Variants in NSD2 observed in about 807,000 individuals in gnomAD.
NSD2 encodes the protein nuclear receptor binding SET domain protein 2, also known as histone-lysine N-methyltransferase NSD2.
In NSD2, 12 loss-of-function variants were observed where a neutral mutation model predicts 139.0. The observed-to-expected ratio is 0.09, with a 90% CI of 0.06 to 0.14. The LOEUF (loss-of-function observed/expected upper bound fraction) is 0.14. Ranked by LOEUF, NSD2 falls within the 10% of genes least tolerant of loss-of-function variation. NSD2 has a pLI of 1.00. For missense variants in NSD2, 1,155 were observed against 1,745.0 expected (o/e 0.66, Z 6.02); for synonymous variants, 669 against 648.7 (o/e 1.03, Z -0.48).
chr4:1,903,262 AG>A (rs952635911), intron 2 of NSD2, among the ~76,000 whole-genome samples: 5 of 152,156 alleles, frequency 3.3e-5, no homozygotes, highest in African/African-American at 9.7e-5. Flanking sequence ...TCACCCTTGG[AG>A]GGTTGGGGCC....
intron 2 of NSD2, 76 bp downstream of exon 2, chr4:1,901,327 C>A: frequency 7.7e-7 from 1 of 1,294,784 alleles, no homozygotes; most frequent in Non-Finnish European, 1.1e-6. Flanking sequence ...GGCACCTGCA[C>A]GAGTACTGGG....
chr4:1,902,399 A>AT (rs1423461733), intron 2 of NSD2, among the ~76,000 whole-genome samples: 1 of 151,854 alleles, frequency 6.6e-6, no homozygotes, highest in East Asian at 1.9e-4. Context: ...TTAATTTTTT[A>AT]TTTTTTGTAG....
chr4:1,933,380 C>T lies in NSD2; in HGVS notation c.1556-1764C>T, dbSNP rs561807336. Among the ~76,000 whole-genome samples, 4 of 152,298 alleles carry T rather than the reference C, an allele frequency of 2.6e-5. No homozygotes were observed. In the South Asian group the frequency reaches 8.3e-4, roughly 32 times the overall value. The stretch of plus-strand genomic sequence containing the variant: ...CAGCGTCCTTCAGGGCAACAGTGTC[C>T]TTCTGCAAGATGTTTTTTTTCTTTG... On this transcript the variant is annotated intron_variant, in intron 6 of 21. Coordinates refer to ENST00000508803, the MANE Select transcript of NSD2 (RefSeq NM_001042424.3).
intron 1 of NSD2, chr4:1,892,742 G>A (rs1187940349): frequency 1.3e-5 from 2 of 151,710 alleles, no homozygotes; most frequent in African/African-American, 4.8e-5. Context: ...CTAATTTTTT[G>A]TATCTTTAGT....
At position 1,951,218 on chromosome 4, in the gene NSD2, G is replaced by C. The variant is rs1017160426; in HGVS notation, c.2013+15G>C. 3.7e-6 allele frequency: 6 copies of C among 1,613,848 alleles called. No homozygotes were observed. Among genetic ancestry groups the C allele is most frequent in the African/African-American group, 1.3e-5 (1 of 74,934 alleles). On this transcript the variant is annotated intron_variant, in intron 10 of 21. Coordinates refer to ENST00000508803, the MANE Select transcript of NSD2 (RefSeq NM_001042424.3). ...ATGTGTGCCAGGTGAGGAGAAGGCA[G>C]CATCCGCTATGTCCGTGCTGGTGTC...
chr4:1,980,412 T>A lies in NSD2; in HGVS notation c.*1503T>A. 1 of 233,214 alleles carries A rather than the reference T, an allele frequency of 4.3e-6. No individual in the cohort carries two copies. The highest frequency in any genetic ancestry group is 8.5e-6 in the Non-Finnish European group (1 of 117,994). 14.4% of individuals were successfully genotyped at this position (233,214 alleles called of 1,614,324 possible). A position where few individuals can be genotyped will look rare whatever the true frequency, so the allele number is the denominator to read the frequency against. On this transcript the variant is annotated 3_prime_UTR_variant, in exon 22 of 22. Coordinates refer to ENST00000508803, the MANE Select transcript of NSD2 (RefSeq NM_001042424.3). ...ACATTCAGCAGCAGGTGCTTTTTTA[T>A]GGCCTTTTCTTAAAATAACCTAAGG... is the stretch of plus-strand genomic sequence containing the variant.
chr4:1,872,635 A>AGAGAGAGC (rs1179623184), intron 1 of NSD2, among the ~76,000 whole-genome samples: 42 of 120,172 alleles, frequency 3.5e-4, no homozygotes, highest in South Asian at 1.1e-3. Context: ...AGAGAGAGAG[A>AGAGAGAGC]GCGCGCAGAC....
intron 1 of NSD2, among the ~76,000 whole-genome samples, chr4:1,891,261 A>G (rs927132617): frequency 2.6e-5 from 4 of 152,154 alleles, no homozygotes; most frequent in African/African-American, 9.7e-5. Context: ...GCTGAAATAT[A>G]TTTCAGGCAG....
At chr4:1,899,455 C>T (rs1422551451) in intron 1 of NSD2, 1 of 152,206 alleles carries the variant, frequency 6.6e-6, no homozygotes, top group East Asian at 1.9e-4. Flanking sequence ...GTTAAGTGTC[C>T]CTGGGGAACA....
At chr4:1,893,528 C>CTT in intron 1 of NSD2, among the ~76,000 whole-genome samples, 2 of 149,086 alleles carry the variant, frequency 1.3e-5, no homozygotes, top group African/African-American at 5.0e-5. Flanking sequence ...TATTTTGCCT[C>CTT]TTTTTTTGTT....
intron 9 of NSD2, chr4:1,941,413 G>T (rs1723082516): frequency 1.9e-6 from 2 of 1,048,914 alleles, no homozygotes; most frequent in Non-Finnish European, 2.3e-6. Flanking sequence ...CGAAGGCTTT[G>T]ATTTAGAGTA....
At chr4:1,975,816 G>A (rs1727014893) in intron 20 of NSD2, among the ~76,000 whole-genome samples, 1 of 152,158 alleles carries the variant, frequency 6.6e-6, no homozygotes, top group African/African-American at 2.4e-5. Flanking sequence ...CTTCTTATAA[G>A]AGCACTGGTC....
At chr4:1,895,546 C>CTT (rs954901254) in intron 1 of NSD2, among the ~76,000 whole-genome samples, 1 of 150,522 alleles carries the variant, frequency 6.6e-6, no homozygotes, top group Non-Finnish European at 1.5e-5. Context: ...AATACCAATA[C>CTT]TTTTTTTTTT....
In NSD2 at chr4:1,900,625, G is replaced by T; in HGVS notation, c.-29-1G>T. Reference sequence around the variant, plus strand: ...CTTTTTTCTTTTTTTTAATACCATAGTGTTCTAAGAACGGAAGCATCTGGG... The same window carrying T: ...CTTTTTTCTTTTTTTTAATACCATATTGTTCTAAGAACGGAAGCATCTGGG... On this transcript the variant is annotated splice_acceptor_variant, in intron 1 of 21. Coordinates refer to ENST00000508803, the MANE Select transcript of NSD2 (RefSeq NM_001042424.3). LOFTEE classifies it low-confidence loss of function (5UTR_SPLICE). 1 of 1,500,516 alleles carries T rather than the reference G, an allele frequency of 6.7e-7. No individual in the cohort carries two copies. The allele number at this position is 1,500,516 out of a possible 1,614,324, so 93.0% of individuals were successfully genotyped here. A position where few individuals can be genotyped will look rare whatever the true frequency, so the allele number is the denominator to read the frequency against.
chr4:1,925,902 A>G (rs1029271113), intron 5 of NSD2, among the ~76,000 whole-genome samples: 10 of 151,944 alleles, frequency 6.6e-5, no homozygotes, highest in African/African-American at 2.2e-4. Context: ...CCCTAGGCTC[A>G]AGTGATTCTC....
chr4:1,915,584 A>C (rs576866536), intron 3 of NSD2, among the ~76,000 whole-genome samples: 1 of 152,086 alleles, frequency 6.6e-6, no homozygotes, highest in African/African-American at 2.4e-5. Context: ...ATTCATTCAT[A>C]CTGGATGCTT....
At chr4:1,880,101 T>C (rs1287297851) in intron 1 of NSD2, among the ~76,000 whole-genome samples, 2 of 152,178 alleles carry the variant, frequency 1.3e-5, no homozygotes, top group East Asian at 3.8e-4. Context: ...TCTAGATTTT[T>C]GGTTAAAATA....
At chr4:1,902,473 C>G (rs1185804480) in intron 2 of NSD2, among the ~76,000 whole-genome samples, 2 of 152,124 alleles carry the variant, frequency 1.3e-5, no homozygotes, top group African/African-American at 2.4e-5. Flanking sequence ...ATCCTCCCAC[C>G]TCTGCCTCCT....
At chr4:1,900,379 C>G (rs945714163) in intron 1 of NSD2, among the ~76,000 whole-genome samples, 1 of 152,110 alleles carries the variant, frequency 6.6e-6, no homozygotes, top group Non-Finnish European at 1.5e-5. Context: ...AGTGTGCTGT[C>G]TTGACTGACT....
Sources: gnomAD v4.1 joint callset for allele counts (sites outside exome capture counted in the v4.1 genomes callset) on GRCh38, gnomAD v4.1.1 for gene constraint, MANE v1.5 for transcripts, NCBI Gene and HGNC (gene_info 2026-07-23, HGNC 2026-07-21) for gene names.